MAP4K5: variants seen among roughly 807,000 people sequenced by gnomAD.
MAP4K5 encodes the protein mitogen-activated protein kinase kinase kinase kinase 5.
A neutral mutation model predicts 135.6 loss-of-function variants in MAP4K5; 82 were observed. The ratio of observed to expected loss-of-function variants is 0.60; its 90% CI spans 0.51 to 0.73. The LOEUF is 0.73. Ranked by LOEUF, MAP4K5 falls within the 30% of genes least tolerant of loss-of-function variation. MAP4K5 has a pLI of 0.00. For synonymous variants in MAP4K5, 347 were observed against 335.0 expected (o/e 1.04, Z -0.39); for missense variants, 907 against 1,010.9 (o/e 0.90, Z 1.39).
At chr14:50,473,200 T>C (rs761853666) in intron 9 of MAP4K5, among the ~76,000 whole-genome samples, 1 of 152,206 alleles carries the variant, frequency 6.6e-6, no homozygotes, top group Non-Finnish European at 1.5e-5. Flanking sequence ...CTGTGATGAA[T>C]GTGTCATTGA....
In MAP4K5 at chr14:50,440,234, A is replaced by G. The variant is rs568024542; in HGVS notation, c.1644+128T>C. ...TTCAACATGAACATGCAAAGAGTAC[A>G]ATTTTATCCCTTTAAATATTTAAAT... is the stretch of plus-strand genomic sequence containing the variant. On this transcript the variant is annotated intron_variant, in intron 22 of 32. Coordinates refer to ENST00000682126, the MANE Select transcript of MAP4K5 (RefSeq NM_006575.6). 3 of 791,506 alleles carry G rather than the reference A, an allele frequency of 3.8e-6. No homozygotes were observed. The East Asian group carries it at 8.5e-5, about 23-fold the overall frequency. 49.0% of individuals were successfully genotyped at this position (791,506 alleles called of 1,614,324 possible). A position where few individuals can be genotyped will look rare whatever the true frequency, so the allele number is the denominator to read the frequency against.
chr14:50,517,340 C>CG (rs1937828100), intron 2 of MAP4K5, among the ~76,000 whole-genome samples: 1 of 151,624 alleles, frequency 6.6e-6, no homozygotes, highest in Non-Finnish European at 1.5e-5. Flanking sequence ...TTAGTGGAGA[C>CG]GGGGTTTCAC....
intron 2 of MAP4K5, among the ~76,000 whole-genome samples, chr14:50,531,503 T>C (rs945282004): frequency 6.6e-6 from 1 of 152,240 alleles, no homozygotes; most frequent in Non-Finnish European, 1.5e-5. Flanking sequence ...CAGGGTTTCA[T>C]ATGGCTTTTT....
In MAP4K5 at chr14:50,508,460, C is replaced by A. The variant is rs148628190; in HGVS notation, c.109-3603G>T. On this transcript the variant is annotated intron_variant, in intron 2 of 32. Coordinates refer to ENST00000682126, the MANE Select transcript of MAP4K5 (RefSeq NM_006575.6). ...AAACCATCATTCTGAGCAAACTATC[C>A]CAAGGACAGAAAACCAAACACCACA... Among the ~76,000 whole-genome samples the A allele has an allele frequency of 3.7e-4, 56 of 151,722 alleles. No homozygotes were observed. In the East Asian group the frequency reaches 0.011, roughly 29 times the overall value.
chr14:50,497,297 T>G (rs1156613823), intron 3 of MAP4K5, among the ~76,000 whole-genome samples: 1 of 152,246 alleles, frequency 6.6e-6, no homozygotes, highest in Non-Finnish European at 1.5e-5. Flanking sequence ...ATTCATTTTC[T>G]GTATCTATTA....
intron 28 of MAP4K5, among the ~76,000 whole-genome samples, chr14:50,433,174 G>A (rs182101318): frequency 5.8e-4 from 89 of 152,256 alleles, no homozygotes; most frequent in African/African-American, 1.8e-3. Context: ...TATATCTCAC[G>A]ATAATAAAGC....
At chr14:50,442,654 C>T in intron 21 of MAP4K5, 78 bp downstream of exon 21, 1 of 1,027,116 alleles carries the variant, frequency 9.7e-7, no homozygotes. Context: ...AAATAAACAA[C>T]TTCAAGTCAC....
intron 1 of MAP4K5, among the ~76,000 whole-genome samples, chr14:50,552,931 T>C (rs1349368544): frequency 6.6e-6 from 1 of 152,006 alleles, no homozygotes; most frequent in African/African-American, 2.4e-5. Context: ...TCAGAAAAAC[T>C]CTTATAGACA....
chr14:50,422,289 C>T (rs1484658559), intron 32 of MAP4K5, among the ~76,000 whole-genome samples: 2 of 152,138 alleles, frequency 1.3e-5, no homozygotes, highest in Non-Finnish European at 2.9e-5. Flanking sequence ...CTTACCTTTT[C>T]TATTCACTAA....
intron 1 of MAP4K5, chr14:50,559,818 G>A (rs953611913): frequency 6.1e-6 from 1 of 165,272 alleles, no homozygotes; most frequent in African/African-American, 2.4e-5. Flanking sequence ...TTGCCAGCTT[G>A]TTTGTACTAA....
chr14:50,517,266 C>A (rs1403489685), intron 2 of MAP4K5, among the ~76,000 whole-genome samples: 2 of 151,692 alleles, frequency 1.3e-5, no homozygotes, highest in African/African-American at 4.8e-5. Context: ...ATTCTCCTGC[C>A]TCAGGCCCTA....
At chr14:50,423,698 G>A (rs567570962) in intron 31 of MAP4K5, among the ~76,000 whole-genome samples, 10 of 152,142 alleles carry the variant, frequency 6.6e-5, no homozygotes, top group Non-Finnish European at 1.3e-4. Context: ...GAGCCCAGGA[G>A]TTCAAGGATA....
chr14:50,512,913 T>C (rs2037959663), intron 2 of MAP4K5, among the ~76,000 whole-genome samples: 1 of 152,170 alleles, frequency 6.6e-6, no homozygotes, highest in Admixed American at 6.5e-5. Flanking sequence ...GCATTATGTT[T>C]ATAAAAGGAA....
upstream of MAP4K5, chr14:50,532,898 A>G (rs17122643): frequency 0.019 from 2,919 of 152,392 alleles, 53 homozygotes; most frequent in East Asian, 0.068. Context: ...TGACGGGTAG[A>G]GGAAGAAGGG....
chr14:50,427,193 A>G (rs1462773021), intron 30 of MAP4K5, among the ~76,000 whole-genome samples: 1 of 152,198 alleles, frequency 6.6e-6, no homozygotes, highest in East Asian at 1.9e-4. Flanking sequence ...AATTAAAATT[A>G]CGAAGATAAT....
chr14:50,426,954 G>C (rs2035860649), intron 30 of MAP4K5, among the ~76,000 whole-genome samples: 1 of 152,130 alleles, frequency 6.6e-6, no homozygotes, highest in Non-Finnish European at 1.5e-5. Context: ...AAAAGTTAAT[G>C]TAAGAATGTT....
chr14:50,423,743 T>C (rs534181588), intron 31 of MAP4K5, among the ~76,000 whole-genome samples: 1 of 152,240 alleles, frequency 6.6e-6, no homozygotes, highest in South Asian at 2.1e-4. Flanking sequence ...CATTCCAGCT[T>C]GGGCAACAGA....
chr14:50,440,337 T>G (rs1325021463), intron 22 of MAP4K5, 25 bp downstream of exon 22: 1 of 1,458,152 alleles, frequency 6.9e-7, no homozygotes, highest in Non-Finnish European at 9.5e-7. Context: ...TTAAATTAAT[T>G]TCTTGAATTA....
chr14:50,488,870 A>C (rs1203289924), intron 3 of MAP4K5, among the ~76,000 whole-genome samples: 2 of 152,234 alleles, frequency 1.3e-5, no homozygotes, highest in Non-Finnish European at 2.9e-5. Flanking sequence ...ATGCAAAGAG[A>C]GTAAAATCTT....
Sources: gnomAD v4.1 joint callset for allele counts (sites outside exome capture counted in the v4.1 genomes callset) on GRCh38, gnomAD v4.1.1 for gene constraint, MANE v1.5 for transcripts, NCBI Gene and HGNC (gene_info 2026-07-23, HGNC 2026-07-21) for gene names.